The following AMDHD2 variants were observed in gnomAD, a reference collection of about 807,000 sequenced individuals.
AMDHD2 encodes the protein amidohydrolase domain containing 2.
In AMDHD2, 24 loss-of-function variants were observed where a neutral mutation model predicts 41.8. The ratio of observed to expected loss-of-function variants is 0.57; its 90% CI spans 0.42 to 0.81. The LOEUF (loss-of-function observed/expected upper bound fraction) is 0.81, where lower values mean the gene tolerates loss of function less well. AMDHD2 is among the 30% of genes least tolerant of loss of function. The pLI, the probability that AMDHD2 is intolerant of heterozygous loss-of-function variation, is 0.00. For synonymous variants in AMDHD2, 332 were observed against 255.5 expected (o/e 1.30, Z -2.85); for missense variants, 540 against 588.5 (o/e 0.92, Z 0.85).
chr16:2,521,357 C>T (rs908261274), intron 3 of AMDHD2, among the ~76,000 whole-genome samples: 2 of 152,162 alleles, frequency 1.3e-5, no homozygotes, highest in African/African-American at 2.4e-5. Flanking sequence ...ACACTGCTGG[C>T]TCAGCACCGT....
At chr16:2,522,719 T>C (rs2065957242) in intron 3 of AMDHD2, among the ~76,000 whole-genome samples, 1 of 152,118 alleles carries the variant, frequency 6.6e-6, no homozygotes, top group Admixed American at 6.5e-5. Flanking sequence ...CTCATTATGT[T>C]GATCAGGCTG....
At chr16:2,525,695 C>A (rs1230403545) in intron 3 of AMDHD2, among the ~76,000 whole-genome samples, 1 of 152,170 alleles carries the variant, frequency 6.6e-6, no homozygotes, top group East Asian at 1.9e-4. Context: ...CAGGTGCTCG[C>A]CACCACGCAC....
In AMDHD2 at chr16:2,520,766, CAGGG is replaced by C; in HGVS notation, c.85_88del (p.Glu29IlefsTer98). 2 of 1,586,900 alleles carry C rather than the reference CAGGG, an allele frequency of 1.3e-6. No individual in the cohort carries two copies. The highest frequency in any genetic ancestry group is 1.7e-6 in the Non-Finnish European group (2 of 1,169,046). On this transcript the variant is annotated splice_acceptor_variant and coding_sequence_variant, in exon 2 of 11. Transcript: ENST00000293971. LOFTEE classifies it high-confidence loss of function. ...TGCGAGCGCCCACCCACTGCGTCCC[CAGGG>C]AGGATCTGTGGGTGCGCGGAGGCCG...
chr16:2,531,008 C>A lies in AMDHD2; in HGVS notation c.*1445C>A. ...GGGAGAGGCAGGTGAGGTTCTCAGC[C>A]GATGTGTTAGAGGTTGAGCATCGCC... On this transcript the variant is annotated 3_prime_UTR_variant, in exon 11 of 11. Transcript: ENST00000293971. The A allele has an allele frequency of 6.2e-7, 1 of 1,612,450 alleles. No homozygotes were observed. The highest frequency in any genetic ancestry group is 8.5e-7 in the Non-Finnish European group (1 of 1,179,272).
chr16:2,525,532 AATTT>A (rs1034406427), intron 3 of AMDHD2, among the ~76,000 whole-genome samples: 25 of 151,314 alleles, frequency 1.7e-4, no homozygotes, highest in African/African-American at 5.6e-4. Context: ...ATGCCTGGCT[AATTT>A]ATTTATTTTT....
Position 2,530,157 on chromosome 16 carries a change from C to T in AMDHD2, c.*594C>T, listed in dbSNP as rs1440780717. ...CCAGGAGGGAGACTGGGCCCGGGAC[C>T]CCTGTTTTCTGCTCCCTGGACTGCC... On this transcript the variant is annotated 3_prime_UTR_variant, in exon 11 of 11. Transcript: ENST00000293971. 12 of 1,435,684 alleles carry T rather than the reference C, an allele frequency of 8.4e-6. No individual in the cohort carries two copies. The highest frequency in any genetic ancestry group is 8.3e-6 in the Non-Finnish European group (9 of 1,088,722). 88.9% of individuals were successfully genotyped at this position (1,435,684 alleles called of 1,614,324 possible). A position where few individuals can be genotyped will look rare whatever the true frequency, so the allele number is the denominator to read the frequency against.
At position 2,527,528 on chromosome 16, in the gene AMDHD2, G is replaced by A. The variant is rs779218969; in HGVS notation, c.361-33G>A. ...CTGTGGCCTCTGGGAATGGGCTGTG[G>A]GGGACAGGGCTTTAACAGCTGGTTC... On this transcript the variant is annotated intron_variant, in intron 3 of 10. Transcript: ENST00000293971. This position sits in a 1 kb window ranked among gnomAD's most constrained non-coding sequence, Gnocchi z 6.1. 2 of 1,602,960 alleles carry A rather than the reference G, an allele frequency of 1.2e-6. No individual in the cohort carries two copies. Among genetic ancestry groups the A allele is most frequent in the South Asian group, 1.1e-5 (1 of 88,608 alleles).
rs1439305387 is a variant in AMDHD2 at position 2,530,563 on chromosome 16, TC to T, written c.*1003del. On this transcript the variant is annotated 3_prime_UTR_variant, in exon 11 of 11. Transcript: ENST00000293971. Reference sequence around the variant, plus strand: ...CCATTTGAGTTCTGGGGTGGGTGGCTCCCTTCCCCCTTGCTTACAGGTGCTG... The same window carrying T: ...CCATTTGAGTTCTGGGGTGGGTGGCTCCTTCCCCCTTGCTTACAGGTGCTG... 6.2e-7 allele frequency: 1 copy of T among 1,614,168 alleles called. No individual in the cohort carries two copies. Among genetic ancestry groups the T allele is most frequent in the Non-Finnish European group, 8.5e-7 (1 of 1,180,018 alleles).
chr16:2,525,691 C>T (rs1046643592), intron 3 of AMDHD2, among the ~76,000 whole-genome samples: 3 of 152,168 alleles, frequency 2.0e-5, no homozygotes, highest in Non-Finnish European at 4.4e-5. Flanking sequence ...ACTACAGGTG[C>T]TCGCCACCAC....
chr16:2,530,336 C>T lies in AMDHD2; in HGVS notation c.*773C>T, dbSNP rs765585284. The stretch of plus-strand genomic sequence containing the variant: ...AGGCACCAGTGTGCCCTGCTCACCC[C>T]ATTAGTGTCATCCTGCCATCTTCTG... On this transcript the variant is annotated 3_prime_UTR_variant, in exon 11 of 11. Coordinates refer to ENST00000293971, the MANE Select transcript of AMDHD2 (RefSeq NM_001330449.2). 1.9e-6 allele frequency: 3 copies of T among 1,614,044 alleles called. No homozygotes were observed. In the African/African-American group the frequency reaches 4.0e-5, roughly 22 times the overall value.
intron 8 of AMDHD2, 35 bp from the exon 9 acceptor site, chr16:2,528,615 C>T (rs768062243): frequency 1.6e-5 from 25 of 1,612,904 alleles, no homozygotes; most frequent in Middle Eastern, 1.7e-4. Context: ...AGGTGGCCCA[C>T]GACCCCCCCA....
intron 3 of AMDHD2, among the ~76,000 whole-genome samples, chr16:2,526,636 C>T (rs545833190): frequency 6.9e-6 from 1 of 144,770 alleles, no homozygotes; most frequent in East Asian, 2.3e-4. Context: ...AGGTTTAGGG[C>T]TCTTAAAAGT....
Position 2,530,670 on chromosome 16 carries a change from C to T in AMDHD2, c.*1107C>T, listed in dbSNP as rs761859763. 9.3e-6 allele frequency: 15 copies of T among 1,614,174 alleles called. No individual in the cohort carries two copies. The highest frequency in any genetic ancestry group is 2.2e-5 in the East Asian group (1 of 44,886). On this transcript the variant is annotated 3_prime_UTR_variant, in exon 11 of 11. Transcript: ENST00000293971. ...CAAAGCCCAGTTAAGGAAATGTCTC[C>T]AGGTCCAAAGAGATAGGATGGTCTG... is the stretch of plus-strand genomic sequence containing the variant.
Position 2,520,889 on chromosome 16 carries a change from C to T in AMDHD2, c.204C>T (p.Ile68=), listed in dbSNP as rs752260435. 6.2e-7 allele frequency: 1 copy of T among 1,608,650 alleles called. No homozygotes were observed. Among genetic ancestry groups the T allele is most frequent in the Non-Finnish European group, 8.5e-7 (1 of 1,177,148 alleles). ...GCCGCATCTTGGCTCCCGGATTCAT[C>T]GACGTGCAGATCAACGGTGCGGCCC... ...CGGRILAPGF[I]DVQINGGFGV... is the part of the protein sequence containing the mutation. The change falls in exon 2 of 11, where the codon ATC becomes ATT. Residue 68 remains isoleucine (I), a synonymous_variant. Transcript: ENST00000293971.
Position 2,530,079 on chromosome 16 carries a change from CCCA to C in AMDHD2, c.*518_*520del. ...CTGAGTTGGGGTGTGCAGCGTGGAGCCCACAGCCTGGTTCTGGGCCAGGGCACA... is the reference window on the plus strand; with the variant it reads ...CTGAGTTGGGGTGTGCAGCGTGGAGCCAGCCTGGTTCTGGGCCAGGGCACA... On this transcript the variant is annotated 3_prime_UTR_variant, in exon 11 of 11. Coordinates refer to ENST00000293971, the MANE Select transcript of AMDHD2 (RefSeq NM_001330449.2). The C allele has an allele frequency of 1.0e-6, 1 of 973,606 alleles. No homozygotes were observed. Among genetic ancestry groups the C allele is most frequent in the Non-Finnish European group, 1.5e-6 (1 of 680,358 alleles). 60.3% of individuals were successfully genotyped at this position (973,606 alleles called of 1,614,324 possible). A position where few individuals can be genotyped will look rare whatever the true frequency, so the allele number is the denominator to read the frequency against.
At position 2,530,400 on chromosome 16, in the gene AMDHD2, CG is replaced by C; in HGVS notation, c.*840del. Reference sequence around the variant, plus strand: ...CTGGCACACACCCATGTGGCAAACACGGGCCGTGAGGCTCCCTGAACAGCTT... The same window carrying C: ...CTGGCACACACCCATGTGGCAAACACGGCCGTGAGGCTCCCTGAACAGCTT... On this transcript the variant is annotated 3_prime_UTR_variant, in exon 11 of 11. Coordinates refer to ENST00000293971, the MANE Select transcript of AMDHD2 (RefSeq NM_001330449.2). 1 of 1,614,186 alleles carries C rather than the reference CG, an allele frequency of 6.2e-7. No homozygotes were observed. The highest frequency in any genetic ancestry group is 8.5e-7 in the Non-Finnish European group (1 of 1,180,026).
In AMDHD2 at chr16:2,530,903, G is replaced by T; in HGVS notation, c.*1340G>T. 6.2e-7 allele frequency: 1 copy of T among 1,613,458 alleles called. No individual in the cohort carries two copies. Among genetic ancestry groups the T allele is most frequent in the Non-Finnish European group, 8.5e-7 (1 of 1,179,974 alleles). ...TACCCACCTCTGCCTTGACGGCCGCGCACCCCTTAGGAAGTGGCTGTCCAG... is the reference window on the plus strand; with the variant it reads ...TACCCACCTCTGCCTTGACGGCCGCTCACCCCTTAGGAAGTGGCTGTCCAG... On this transcript the variant is annotated 3_prime_UTR_variant, in exon 11 of 11. Transcript: ENST00000293971.
intron 3 of AMDHD2, among the ~76,000 whole-genome samples, chr16:2,526,917 G>C (rs1390757527): frequency 6.6e-6 from 1 of 152,042 alleles, no homozygotes; most frequent in African/African-American, 2.4e-5. Flanking sequence ...GCGACAAGAG[G>C]GAAACTCCAT....
Position 2,530,861 on chromosome 16 carries a change from G to T in AMDHD2, c.*1298G>T. On this transcript the variant is annotated 3_prime_UTR_variant, in exon 11 of 11. Transcript: ENST00000293971. ...GGATGTGGATCCTGACCTCCTGAGA[G>T]GTGTGAGGTGCAGGGATACCCACCT... The T allele has an allele frequency of 6.2e-7, 1 of 1,613,684 alleles. No individual in the cohort carries two copies. Among genetic ancestry groups the T allele is most frequent in the Non-Finnish European group, 8.5e-7 (1 of 1,179,998 alleles).
Sources: allele counts gnomAD v4.1 joint callset (sites outside exome capture counted in the v4.1 genomes callset), GRCh38; gene constraint gnomAD v4.1.1; non-coding constraint Gnocchi (gnomAD v3.1); transcripts MANE v1.5; gene names NCBI Gene and HGNC (gene_info 2026-07-23, HGNC 2026-07-21).